Variants in SLAMF1 observed in about 807,000 individuals in gnomAD.
The protein encoded by SLAMF1 is signaling lymphocytic activation molecule.
A neutral mutation model predicts 35.1 loss-of-function variants in SLAMF1; 18 were observed. The observed-to-expected ratio is 0.51, with a 90% CI of 0.35 to 0.76. The LOEUF (loss-of-function observed/expected upper bound fraction) is 0.76. Ranked by LOEUF, SLAMF1 falls within the 30% of genes least tolerant of loss-of-function variation. The pLI is 0.01. For missense variants in SLAMF1, 392 were observed against 413.0 expected (o/e 0.95, Z 0.44); for synonymous variants, 168 against 157.2 (o/e 1.07, Z -0.51).
At chr1:160,622,212 A>G (rs969532854) in intron 4 of SLAMF1, among the ~76,000 whole-genome samples, 1 of 152,186 alleles carries the variant, frequency 6.6e-6, no homozygotes, top group African/African-American at 2.4e-5. Flanking sequence ...ACAGGTTTTT[A>G]GGAGTAAGCT....
At chr1:160,630,545 C>A (rs1265105139) in intron 3 of SLAMF1, among the ~76,000 whole-genome samples, 1 of 152,014 alleles carries the variant, frequency 6.6e-6, no homozygotes, top group African/African-American at 2.4e-5. Flanking sequence ...TCTAATAAAC[C>A]CTCGGACCCC....
chr1:160,610,520 C>G lies in SLAMF1; in HGVS notation c.*228G>C. On this transcript the variant is annotated 3_prime_UTR_variant, in exon 7 of 7. Coordinates refer to ENST00000302035, the MANE Select transcript of SLAMF1 (RefSeq NM_003037.5). ...TGGAACGCTGTTATCAAGTAACGCT[C>G]TGTTCTGCGCCTGCAGCCACTGCAC... 2 of 569,440 alleles carry G rather than the reference C, an allele frequency of 3.5e-6. No homozygotes were observed. The highest frequency in any genetic ancestry group is 6.4e-6 in the Non-Finnish European group (2 of 311,528). 35.3% of individuals were successfully genotyped at this position (569,440 alleles called of 1,614,324 possible). A position where few individuals can be genotyped will look rare whatever the true frequency, so the allele number is the denominator to read the frequency against.
chr1:160,626,273 C>T (rs66514209), intron 3 of SLAMF1, among the ~76,000 whole-genome samples: 21 of 152,174 alleles, frequency 1.4e-4, no homozygotes, highest in African/African-American at 4.6e-4. Flanking sequence ...CCCTCGCGCC[C>T]GACGCCGGTT....
chr1:160,617,714 G>A (rs1354747092), intron 5 of SLAMF1, among the ~76,000 whole-genome samples: 1 of 152,204 alleles, frequency 6.6e-6, no homozygotes, highest in Admixed American at 6.5e-5. Flanking sequence ...GGCACAGGAG[G>A]CCTTCAGGAA....
At chr1:160,619,167 C>T (rs894394270) in intron 5 of SLAMF1, among the ~76,000 whole-genome samples, 2 of 152,198 alleles carry the variant, frequency 1.3e-5, no homozygotes, top group Non-Finnish European at 2.9e-5. Context: ...GTCTCTACAT[C>T]TAACCACGAT....
In SLAMF1 at chr1:160,608,967, A is replaced by G. The variant is rs575176209; in HGVS notation, c.*1781T>C. 6.6e-6 allele frequency: 1 copy of G among 152,338 alleles called. No homozygotes were observed. Among genetic ancestry groups the G allele is most frequent in the South Asian group, 2.1e-4 (1 of 4,828 alleles). The allele number at this position is 152,338 out of a possible 1,614,324, so 9.4% of individuals were successfully genotyped here. Reference sequence around the variant, plus strand: ...ATTCCCAGCCCCCCTTGGAGATAGGACATGGACATGTGACCTAGGATTGGC... The same window carrying G: ...ATTCCCAGCCCCCCTTGGAGATAGGGCATGGACATGTGACCTAGGATTGGC... On this transcript the variant is annotated 3_prime_UTR_variant, in exon 7 of 7. Transcript: ENST00000302035.
Position 160,634,896 on chromosome 1 carries a change from C to G in SLAMF1, c.417G>C (p.Glu139Asp), listed in dbSNP as rs1458976892. 8 of 1,607,108 alleles carry G rather than the reference C, an allele frequency of 5.0e-6. No homozygotes were observed. In the East Asian group the frequency reaches 1.8e-4, roughly 36 times the overall value. ...CTTTAATTTCTGGAGTGGAGACCTG[C>G]TCTGTCAGGAGTGGGAGGAAGGGAG... is the stretch of plus-strand genomic sequence containing the variant. Reference protein sequence around the residue: ...QRFCLQLRLYEQVSTPEIKVL... With the variant: ...QRFCLQLRLYDQVSTPEIKVL... Residue 139 changes from glutamate (E) to aspartate (D), a missense_variant and splice_region_variant, in exon 3 of 7, where the codon GAG becomes GAC. Transcript: ENST00000302035.
chr1:160,615,160 T>A (rs184298930), intron 5 of SLAMF1, among the ~76,000 whole-genome samples: 2 of 152,162 alleles, frequency 1.3e-5, no homozygotes, highest in African/African-American at 4.8e-5. Context: ...TATATTGATA[T>A]AATAAAGACA....
intron 3 of SLAMF1, among the ~76,000 whole-genome samples, chr1:160,626,190 C>A (rs1377737331): frequency 6.6e-6 from 1 of 152,162 alleles, no homozygotes; most frequent in Non-Finnish European, 1.5e-5. Context: ...AACCAACAGA[C>A]AAAGTAGTAC....
At chr1:160,641,137 T>A (rs1051525221) in intron 1 of SLAMF1, among the ~76,000 whole-genome samples, 1 of 152,204 alleles carries the variant, frequency 6.6e-6, no homozygotes, top group African/African-American at 2.4e-5. Context: ...CAGACTTTTG[T>A]ATAAAAAGTT....
chr1:160,614,324 C>G (rs1659168221), intron 5 of SLAMF1, among the ~76,000 whole-genome samples: 1 of 152,080 alleles, frequency 6.6e-6, no homozygotes, highest in Non-Finnish European at 1.5e-5. Flanking sequence ...GCCTGTAATC[C>G]CAGCACTTTG....
intron 3 of SLAMF1, among the ~76,000 whole-genome samples, chr1:160,629,703 C>A (rs543825921): frequency 6.6e-6 from 1 of 152,174 alleles, no homozygotes. Context: ...AGTGAGATTG[C>A]GCTCATGCTT....
At chr1:160,639,781 T>C (rs1660645651) in intron 1 of SLAMF1, among the ~76,000 whole-genome samples, 1 of 152,224 alleles carries the variant, frequency 6.6e-6, no homozygotes, top group African/African-American at 2.4e-5. Context: ...CCATAGTCCA[T>C]TATTGATATG....
chr1:160,620,820 G>A (rs746958466), intron 4 of SLAMF1, among the ~76,000 whole-genome samples: 11 of 152,148 alleles, frequency 7.2e-5, no homozygotes, highest in South Asian at 2.1e-4. Flanking sequence ...TTACAGACAC[G>A]GGGCTATGGA....
chr1:160,646,293 T>G (rs575334896), intron 1 of SLAMF1, among the ~76,000 whole-genome samples: 1 of 152,296 alleles, frequency 6.6e-6, no homozygotes, highest in Admixed American at 6.5e-5. Flanking sequence ...TTCTTGGACC[T>G]TCTCTTCCAA....
chr1:160,646,014 C>T (rs1661023747), intron 1 of SLAMF1, among the ~76,000 whole-genome samples: 1 of 152,150 alleles, frequency 6.6e-6, no homozygotes, highest in African/African-American at 2.4e-5. Flanking sequence ...AGATTCTCAC[C>T]CCACTCACAC....
At chr1:160,621,430 G>A (rs992287571) in intron 4 of SLAMF1, among the ~76,000 whole-genome samples, 7 of 151,914 alleles carry the variant, frequency 4.6e-5, no homozygotes, top group Admixed American at 1.3e-4. Context: ...ATGGTGGCAC[G>A]CGCTTATAAT....
intron 2 of SLAMF1, among the ~76,000 whole-genome samples, chr1:160,636,498 T>C (rs1275922018): frequency 6.6e-6 from 1 of 152,172 alleles, no homozygotes; most frequent in Non-Finnish European, 1.5e-5. Flanking sequence ...AGAGACACAA[T>C]CCCTGGGTGC....
At position 160,610,635 on chromosome 1, in the gene SLAMF1, G is replaced by A. The variant is rs112810710; in HGVS notation, c.*113C>T. 2.4e-5 allele frequency: 18 copies of A among 743,898 alleles called. No homozygotes were observed. The South Asian group carries it at 2.8e-4, about 12-fold the overall frequency. 46.1% of individuals were successfully genotyped at this position (743,898 alleles called of 1,614,324 possible). A position where few individuals can be genotyped will look rare whatever the true frequency, so the allele number is the denominator to read the frequency against. ...ATCACCAGGGAGTTGATCTGAGAAG[G>A]GTACAGACGTGCAGCATGTCTGCCA... On this transcript the variant is annotated 3_prime_UTR_variant, in exon 7 of 7. Coordinates refer to ENST00000302035, the MANE Select transcript of SLAMF1 (RefSeq NM_003037.5).
Sources: gnomAD v4.1 joint callset for allele counts (sites outside exome capture counted in the v4.1 genomes callset) on GRCh38, gnomAD v4.1.1 for gene constraint, MANE v1.5 for transcripts, NCBI Gene and HGNC (gene_info 2026-07-23, HGNC 2026-07-21) for gene names.